Variants in TNFRSF19 observed in about 807,000 individuals in gnomAD.
TNFRSF19 encodes the protein tumor necrosis factor receptor superfamily member 19.
A neutral mutation model predicts 46.4 loss-of-function variants in TNFRSF19; 27 were observed. The observed-to-expected ratio is 0.58, with a 90% CI of 0.43 to 0.80. The LOEUF (loss-of-function observed/expected upper bound fraction) is 0.80. Ranked by LOEUF, TNFRSF19 falls within the 30% of genes least tolerant of loss-of-function variation. The probability of loss-of-function intolerance (pLI) is 0.00; values close to 1 mark genes in which losing one functional copy is unlikely to be tolerated. For synonymous variants in TNFRSF19, 204 were observed against 205.0 expected (o/e 1.00, Z 0.04); for missense variants, 511 against 530.8 (o/e 0.96, Z 0.37).
intron 3 of TNFRSF19, among the ~76,000 whole-genome samples, chr13:23,604,257 G>GCT: frequency 7.5e-6 from 1 of 133,334 alleles, no homozygotes; most frequent in African/African-American, 3.1e-5. Flanking sequence ...ATTTATATTA[G>GCT]CACCCCCCCC....
intron 5 of TNFRSF19, among the ~76,000 whole-genome samples, chr13:23,651,430 C>T (rs1208476636): frequency 6.6e-6 from 1 of 151,976 alleles, no homozygotes; most frequent in Non-Finnish European, 1.5e-5. Context: ...TTGGAGTTGC[C>T]AGAGTGATAT....
At chr13:23,591,249 T>C (rs776054840) in intron 2 of TNFRSF19, among the ~76,000 whole-genome samples, 73 of 152,096 alleles carry the variant, frequency 4.8e-4, no homozygotes, top group Admixed American at 9.2e-4. Flanking sequence ...GGTGAGGAGT[T>C]CAATACCAGC....
chr13:23,579,153 C>T (rs970397224), intron 1 of TNFRSF19, among the ~76,000 whole-genome samples: 1 of 152,226 alleles, frequency 6.6e-6, no homozygotes, highest in Non-Finnish European at 1.5e-5. Flanking sequence ...AGCCCCCAGT[C>T]AGCCTCACAC....
rs145527246 is a variant in TNFRSF19 at position 23,616,643 on chromosome 13, C to T, written c.359+598C>T. Among the ~76,000 whole-genome samples the T allele has an allele frequency of 1.6e-3, 251 of 152,248 alleles. 1 individual carries two copies. Among genetic ancestry groups the T allele is most frequent in the African/African-American group, 5.0e-3 (207 of 41,546 alleles). On this transcript the variant is annotated intron_variant, in intron 4 of 9. Coordinates refer to ENST00000248484, the MANE Select transcript of TNFRSF19 (RefSeq NM_148957.4). ...TGTCACCCAGGCTGGAGTGCAATGG[C>T]GCAATCTCAGCTCAGTGCAACCTGT...
At chr13:23,617,712 CA>C (rs1189352634) in intron 4 of TNFRSF19, among the ~76,000 whole-genome samples, 5 of 152,204 alleles carry the variant, frequency 3.3e-5, no homozygotes, top group African/African-American at 1.2e-4. Flanking sequence ...TGCAATGTAC[CA>C]GGCACCTGGC....
intron 7 of TNFRSF19, among the ~76,000 whole-genome samples, chr13:23,665,349 A>G (rs2138407721): frequency 6.6e-6 from 1 of 152,328 alleles, no homozygotes; most frequent in South Asian, 2.1e-4. Context: ...AAATATACAG[A>G]TGGCCTTGTT....
chr13:23,614,824 C>T (rs998183656), intron 3 of TNFRSF19, among the ~76,000 whole-genome samples: 4 of 149,422 alleles, frequency 2.7e-5, no homozygotes, highest in Non-Finnish European at 5.9e-5. Flanking sequence ...TGGAATTAGA[C>T]GATGTAGGTT....
chr13:23,613,350 G>C (rs1251360239), intron 3 of TNFRSF19, among the ~76,000 whole-genome samples: 1 of 152,228 alleles, frequency 6.6e-6, no homozygotes, highest in Admixed American at 6.5e-5. Context: ...GAGGATCGGA[G>C]AATTCCCAAA....
At chr13:23,671,399 T>C (rs1004745128) in intron 9 of TNFRSF19, among the ~76,000 whole-genome samples, 13 of 152,284 alleles carry the variant, frequency 8.5e-5, no homozygotes, top group Middle Eastern at 3.4e-3. Context: ...AAGTATGACA[T>C]TGAATTTAAA....
chr13:23,618,835 C>T (rs75390418), intron 4 of TNFRSF19, among the ~76,000 whole-genome samples: 3,309 of 152,222 alleles, frequency 0.022, 91 homozygotes, highest in African/African-American at 0.057. Context: ...GGGGCCTTTA[C>T]GAGGTAATTA....
In TNFRSF19 at chr13:23,597,836, C is replaced by T. The variant is rs191506911; in HGVS notation, c.180+4381C>T. 1.4e-4 allele frequency among the ~76,000 whole-genome samples: 21 copies of T among 152,220 alleles called. No individual in the cohort carries two copies. In the East Asian group the frequency reaches 2.9e-3, roughly 21 times the overall value. ...CCAATATCCCTGATGAACATCAATG[C>T]GAAAATCCTCAATAAAATACTGGCA... On this transcript the variant is annotated intron_variant, in intron 3 of 9. Coordinates refer to ENST00000248484, the MANE Select transcript of TNFRSF19 (RefSeq NM_148957.4).
chr13:23,630,299 T>C (rs1438794574), intron 5 of TNFRSF19, among the ~76,000 whole-genome samples: 1 of 113,436 alleles, frequency 8.8e-6, no homozygotes, highest in Non-Finnish European at 1.8e-5. Context: ...TAAGACCCTG[T>C]CTTAAAAAAA....
chr13:23,608,095 G>A (rs531931275), intron 3 of TNFRSF19, among the ~76,000 whole-genome samples: 1 of 152,262 alleles, frequency 6.6e-6, no homozygotes, highest in East Asian at 1.9e-4. Flanking sequence ...GTGGTCAGTA[G>A]GTCCCAGCCT....
intron 1 of TNFRSF19, among the ~76,000 whole-genome samples, chr13:23,572,895 C>T (rs1364099909): frequency 6.6e-6 from 1 of 152,180 alleles, no homozygotes; most frequent in Non-Finnish European, 1.5e-5. Flanking sequence ...GCTTCAATGG[C>T]AGCTTTGTTA....
At chr13:23,628,820 A>G (rs1882170254) in intron 5 of TNFRSF19, among the ~76,000 whole-genome samples, 1 of 152,170 alleles carries the variant, frequency 6.6e-6, no homozygotes, top group Non-Finnish European at 1.5e-5. Flanking sequence ...CATATATGAA[A>G]CTTTTTAGAA....
At chr13:23,588,787 G>A (rs1419837829) in intron 1 of TNFRSF19, among the ~76,000 whole-genome samples, 1 of 152,194 alleles carries the variant, frequency 6.6e-6, no homozygotes, top group Non-Finnish European at 1.5e-5. Context: ...TTTGAGATAT[G>A]CCAGCAGGAA....
At position 23,659,251 on chromosome 13, in the gene TNFRSF19, G is replaced by A. The variant is rs1287911213; in HGVS notation, c.610+37G>A. ...GCTCATTACATTTCTTAGCATTTAG[G>A]GGAAGGGCATTTATTACTATTGTCG... On this transcript the variant is annotated intron_variant, in intron 6 of 9. Transcript: ENST00000248484. This position sits in a 1 kb window ranked among gnomAD's most constrained non-coding sequence, Gnocchi z 4.9. 3.2e-6 allele frequency: 5 copies of A among 1,575,526 alleles called. No homozygotes were observed. Among genetic ancestry groups the A allele is most frequent in the Non-Finnish European group, 4.3e-6 (5 of 1,156,760 alleles).
chr13:23,624,194 C>T (rs763748246), intron 4 of TNFRSF19, among the ~76,000 whole-genome samples: 6 of 152,178 alleles, frequency 3.9e-5, no homozygotes, highest in Non-Finnish European at 5.9e-5. Context: ...TGACCATATA[C>T]ATGACGGTTT....
intron 3 of TNFRSF19, among the ~76,000 whole-genome samples, chr13:23,607,901 G>C (rs138590045): frequency 6.6e-6 from 1 of 152,060 alleles, no homozygotes; most frequent in African/African-American, 2.4e-5. Context: ...TTTCCTCTGC[G>C]GTTTTATTTC....
Sources: gnomAD v4.1 joint callset for allele counts (sites outside exome capture counted in the v4.1 genomes callset) on GRCh38, gnomAD v4.1.1 for gene constraint, Gnocchi (gnomAD v3.1) non-coding constraint, MANE v1.5 for transcripts, NCBI Gene and HGNC (gene_info 2026-07-23, HGNC 2026-07-21) for gene names.